Variants in SRPK2 observed in about 807,000 individuals in gnomAD.
SRPK2 encodes the protein SRSF protein kinase 2, also known as SFRS protein kinase 2.
A neutral mutation model predicts 90.8 loss-of-function variants in SRPK2; 21 were observed. The ratio of observed to expected loss-of-function variants is 0.23; its 90% CI spans 0.16 to 0.33. The LOEUF (loss-of-function observed/expected upper bound fraction) is 0.33. SRPK2 is among the 10% of genes least tolerant of loss of function. SRPK2 has a pLI of 1.00. For synonymous variants in SRPK2, 288 were observed against 311.1 expected (o/e 0.93, Z 0.78); for missense variants, 620 against 869.0 (o/e 0.71, Z 3.60).
At chr7:105,177,146 T>C (rs1429712790) in intron 3 of SRPK2, among the ~76,000 whole-genome samples, 2 of 151,848 alleles carry the variant, frequency 1.3e-5, no homozygotes, top group African/African-American at 4.8e-5. Flanking sequence ...AAAAAACACA[T>C]AAAAAAGAGC....
chr7:105,127,816 C>A (rs1372155604), intron 13 of SRPK2, among the ~76,000 whole-genome samples: 1 of 152,186 alleles, frequency 6.6e-6, no homozygotes, highest in African/African-American at 2.4e-5. Flanking sequence ...CTCTGCTGAT[C>A]AAAGAGAATG....
At chr7:105,225,945 C>T (rs1406195964) in intron 2 of SRPK2, among the ~76,000 whole-genome samples, 1 of 152,172 alleles carries the variant, frequency 6.6e-6, no homozygotes, top group Non-Finnish European at 1.5e-5. Flanking sequence ...TGCTCAACAG[C>T]CACATGCGGG....
chr7:105,127,098 A>T, intron 13 of SRPK2, 36 bp from the exon 14 acceptor site: 1 of 1,605,950 alleles, frequency 6.2e-7, no homozygotes, highest in South Asian at 1.1e-5. Flanking sequence ...AGCACTTCAG[A>T]GACTGGCCCC....
chr7:105,307,329 G>A (rs181760281), intron 2 of SRPK2, among the ~76,000 whole-genome samples: 23 of 151,850 alleles, frequency 1.5e-4, no homozygotes, highest in Non-Finnish European at 2.9e-4. Flanking sequence ...ATTCTATGAC[G>A]TTTTTAAAAG....
intron 2 of SRPK2, among the ~76,000 whole-genome samples, chr7:105,367,048 T>C (rs1819148498): frequency 6.6e-6 from 1 of 151,254 alleles, no homozygotes. Flanking sequence ...AAGAAAAATA[T>C]GAGATCACCT....
chr7:105,347,908 T>C (rs141203477), intron 2 of SRPK2, among the ~76,000 whole-genome samples: 2 of 151,088 alleles, frequency 1.3e-5, no homozygotes, highest in South Asian at 2.1e-4. Flanking sequence ...TAATTCTAAA[T>C]TACATTAACA....
intron 3 of SRPK2, among the ~76,000 whole-genome samples, chr7:105,178,869 T>C (rs1036944579): frequency 1.3e-5 from 2 of 151,982 alleles, no homozygotes; most frequent in Admixed American, 1.3e-4. Context: ...TAAATATAAA[T>C]GAAAACACTA....
chr7:105,148,234 C>T (rs535397298), intron 7 of SRPK2, among the ~76,000 whole-genome samples: 1 of 152,306 alleles, frequency 6.6e-6, no homozygotes, highest in East Asian at 1.9e-4. Context: ...ATCTACATTT[C>T]CCTGATGGCT....
intron 2 of SRPK2, among the ~76,000 whole-genome samples, chr7:105,293,007 G>A (rs1447382508): frequency 6.6e-6 from 1 of 151,998 alleles, no homozygotes; most frequent in African/African-American, 2.4e-5. Flanking sequence ...GCTTGGCCAG[G>A]CGTGGTGGCT....
chr7:105,249,478 G>C (rs1046962655), intron 2 of SRPK2, among the ~76,000 whole-genome samples: 1 of 151,492 alleles, frequency 6.6e-6, no homozygotes, highest in Admixed American at 6.6e-5. Context: ...AATCATTCTT[G>C]GTTTTCTTAA....
intron 2 of SRPK2, among the ~76,000 whole-genome samples, chr7:105,344,192 A>G (rs1384327367): frequency 6.6e-6 from 1 of 152,160 alleles, no homozygotes; most frequent in East Asian, 1.9e-4. Context: ...TCTCTCTCAA[A>G]AACACTCCAA....
rs1385882526 is a variant in SRPK2, at chr7:105,142,041, C to A, written c.1510G>T (p.Val504Phe). ...SSPSHDRSRT[V>F]SASSTGDLPK... is the part of the protein sequence containing the mutation. ...AAATCCCCAGTACTGGAGGCTGAAA[C>A]CGTTCTGCTTCTGTCATGGGATGGA... Residue 504 changes from valine to phenylalanine, a missense_variant, in exon 11 of 16, where the codon GTT (valine) becomes TTT (phenylalanine). By Grantham distance (50) the Val-to-Phe change is conservative. Around this residue, in one of 8 missense-constraint regions of SRPK2, gnomAD observed 243 missense variants for 245.7 expected, o/e 0.99. Coordinates refer to ENST00000393651, the MANE Select transcript of SRPK2 (RefSeq NM_182692.3). The A allele has an allele frequency of 6.2e-7, 1 of 1,613,480 alleles. No individual in the cohort carries two copies. The highest frequency in any genetic ancestry group is 1.3e-5 in the African/African-American group (1 of 74,982).
chr7:105,178,696 C>A (rs1056083155), intron 3 of SRPK2, among the ~76,000 whole-genome samples: 1 of 151,990 alleles, frequency 6.6e-6, no homozygotes, highest in Non-Finnish European at 1.5e-5. Context: ...GTGGCGCATG[C>A]GTATGATCCC....
intron 2 of SRPK2, chr7:105,244,758 A>G: frequency 9.8e-7 from 1 of 1,017,600 alleles, no homozygotes; most frequent in South Asian, 1.3e-5. Context: ...CTGACCAAAC[A>G]CACCAAGTTT....
chr7:105,265,767 A>G (rs752080914), intron 2 of SRPK2, among the ~76,000 whole-genome samples: 2 of 152,204 alleles, frequency 1.3e-5, no homozygotes, highest in African/African-American at 2.4e-5. Context: ...TACCTGCAGT[A>G]GGATTTACCC....
At chr7:105,229,428 C>T (rs1056138650) in intron 2 of SRPK2, among the ~76,000 whole-genome samples, 2 of 151,854 alleles carry the variant, frequency 1.3e-5, no homozygotes, top group African/African-American at 2.4e-5. Context: ...TGCGCCACTG[C>T]ACTCCAGCCT....
chr7:105,295,522 CTAAG>C (rs2131135157), intron 2 of SRPK2, among the ~76,000 whole-genome samples: 1 of 152,128 alleles, frequency 6.6e-6, no homozygotes, highest in East Asian at 1.9e-4. Flanking sequence ...AAACATTATG[CTAAG>C]TAAAGTATTG....
At position 105,281,288 on chromosome 7, in the gene SRPK2, G is replaced by A. The variant is rs562403501; in HGVS notation, c.72-77503C>T. On this transcript the variant is annotated intron_variant, in intron 2 of 15. Coordinates refer to ENST00000393651, the MANE Select transcript of SRPK2 (RefSeq NM_182692.3). ...ATTTTTGTATTTTTAGTAGAGATGG[G>A]TTTCACCATGTTAGCTGGGCTGGTC... Among the ~76,000 whole-genome samples, 12 of 151,978 alleles carry A rather than the reference G, an allele frequency of 7.9e-5. No individual in the cohort carries two copies. In the South Asian group the frequency reaches 2.5e-3, roughly 32 times the overall value.
chr7:105,301,576 G>A, intron 2 of SRPK2: 1 of 1,588,020 alleles, frequency 6.3e-7, no homozygotes, highest in East Asian at 2.2e-5. Context: ...TATTTATGAA[G>A]GAGATGAAAG....
Sources: allele counts gnomAD v4.1 joint callset (sites outside exome capture counted in the v4.1 genomes callset), GRCh38; gene constraint gnomAD v4.1.1; regional missense constraint gnomAD v4.1.1; transcripts MANE v1.5; gene names NCBI Gene and HGNC (gene_info 2026-07-23, HGNC 2026-07-21).